ANKFN1: variants seen among roughly 807,000 people sequenced by gnomAD.
ANKFN1 encodes ankyrin repeat and fibronectin type-III domain-containing protein 1.
ANKFN1 carries 74 observed loss-of-function variants against 108.7 expected under a neutral mutation model. The observed-to-expected ratio is 0.68, with a 90% CI of 0.56 to 0.83. The LOEUF (loss-of-function observed/expected upper bound fraction) is 0.83. Ranked by LOEUF, ANKFN1 falls within the 40% of genes least tolerant of loss-of-function variation. The probability of loss-of-function intolerance (pLI) is 0.00; values close to 1 mark genes in which losing one functional copy is unlikely to be tolerated. For synonymous variants in ANKFN1, 547 were observed against 516.2 expected (o/e 1.06, Z -0.81); for missense variants, 1,505 against 1,382.3 (o/e 1.09, Z -1.41).
intron 3 of ANKFN1, among the ~76,000 whole-genome samples, chr17:56,243,767 A>T (rs565692313): frequency 2.2e-4 from 34 of 152,272 alleles, no homozygotes; most frequent in African/African-American, 8.2e-4. Context: ...TGATGTATAC[A>T]CGCACACATA....
intron 8 of ANKFN1, among the ~76,000 whole-genome samples, chr17:56,394,922 A>G (rs1486598766): frequency 6.6e-6 from 1 of 152,190 alleles, no homozygotes; most frequent in African/African-American, 2.4e-5. Context: ...TTTCTAAGAA[A>G]TAGGTGTTGT....
chr17:56,144,356 C>G (rs1405985966), intron 4 of ANKFN1, among the ~76,000 whole-genome samples: 6 of 152,030 alleles, frequency 3.9e-5, no homozygotes, highest in Admixed American at 6.6e-5. Context: ...TTACTTTTTG[C>G]CTGCAGGTGG....
intron 4 of ANKFN1, among the ~76,000 whole-genome samples, chr17:56,121,486 G>C (rs1906617430): frequency 6.6e-6 from 1 of 151,856 alleles, no homozygotes; most frequent in Non-Finnish European, 1.5e-5. Flanking sequence ...CATTATCTTT[G>C]GCTGTTTTGC....
chr17:56,148,000 A>G (rs1908367305), intron 4 of ANKFN1, among the ~76,000 whole-genome samples: 1 of 152,212 alleles, frequency 6.6e-6, no homozygotes, highest in African/African-American at 2.4e-5. Context: ...TAAAGGAAGA[A>G]CTGGTGTTAC....
chr17:56,139,346 A>G (rs747235243), intron 4 of ANKFN1, among the ~76,000 whole-genome samples: 1 of 152,192 alleles, frequency 6.6e-6, no homozygotes, highest in Non-Finnish European at 1.5e-5. Flanking sequence ...AGCACTTATT[A>G]ATTTCAACCA....
rs185286803 is a variant in ANKFN1 at position 56,342,672 on chromosome 17, G to T, written c.189-8094G>T. Reference sequence around the variant, plus strand: ...CGTGGTCCAAGAGATTGTTTGATATGATTTCAGTTCTGCATTTACTAAGGA... The same window carrying T: ...CGTGGTCCAAGAGATTGTTTGATATTATTTCAGTTCTGCATTTACTAAGGA... On this transcript the variant is annotated intron_variant, in intron 4 of 20. Transcript: ENST00000682825. Among the ~76,000 whole-genome samples the T allele has an allele frequency of 4.8e-4, 73 of 151,972 alleles. No homozygotes were observed. The East Asian group carries it at 0.01, about 21-fold the overall frequency.
chr17:56,255,858 C>A (rs566260740), intron 3 of ANKFN1, among the ~76,000 whole-genome samples: 2 of 152,092 alleles, frequency 1.3e-5, no homozygotes, highest in Non-Finnish European at 2.9e-5. Context: ...TGGAAAATTA[C>A]CATGGAGAAA....
At chr17:56,063,880 T>C (rs1021493726) in intron 4 of ANKFN1, among the ~76,000 whole-genome samples, 2 of 152,148 alleles carry the variant, frequency 1.3e-5, no homozygotes, top group African/African-American at 4.8e-5. Context: ...TGAGTTTGTT[T>C]AGTTTCGATC....
chr17:56,429,577 G>T (rs1208472885), intron 8 of ANKFN1, among the ~76,000 whole-genome samples: 1 of 152,198 alleles, frequency 6.6e-6, no homozygotes, highest in African/African-American at 2.4e-5. Flanking sequence ...CAGGCAGCAG[G>T]CTGGATTTGG....
At chr17:56,198,374 C>T (rs574358608) in intron 1 of ANKFN1, among the ~76,000 whole-genome samples, 12 of 152,294 alleles carry the variant, frequency 7.9e-5, no homozygotes, top group Non-Finnish European at 1.8e-4. Flanking sequence ...AGGGTTGGCG[C>T]TCCTGTGAGA....
At chr17:56,455,785 C>T (rs2049671974) in intron 11 of ANKFN1, among the ~76,000 whole-genome samples, 1 of 152,206 alleles carries the variant, frequency 6.6e-6, no homozygotes, top group Non-Finnish European at 1.5e-5. Context: ...GAATTATTTG[C>T]TTACCATTGT....
At chr17:56,242,588 T>C (rs1477613614) in intron 3 of ANKFN1, among the ~76,000 whole-genome samples, 2 of 152,112 alleles carry the variant, frequency 1.3e-5, no homozygotes, top group African/African-American at 2.4e-5. Flanking sequence ...TATTCAAAGA[T>C]TGTCTACAAT....
chr17:56,280,008 C>CTTTTTTTTTTTTTTT (rs3086033), intron 3 of ANKFN1, among the ~76,000 whole-genome samples: 6 of 134,856 alleles, frequency 4.4e-5, no homozygotes, highest in African/African-American at 1.8e-4. Flanking sequence ...CACATAATGT[C>CTTTTTTTTTTTTTTT]TTTTTTTTTT....
intron 3 of ANKFN1, among the ~76,000 whole-genome samples, chr17:56,318,621 A>G (rs757155094): frequency 1.3e-5 from 2 of 152,194 alleles, no homozygotes; most frequent in African/African-American, 4.8e-5. Flanking sequence ...TATAAATACT[A>G]CAAGGAGAGA....
Position 56,405,987 on chromosome 17 carries a change from C to A in ANKFN1, c.910+31273C>A, listed in dbSNP as rs187192786. ...CTTATCTCTTTATAATTGTTTATAC[C>A]TTTTGGTTTTTTAACCATGTAGATC... On this transcript the variant is annotated intron_variant, in intron 8 of 20. Coordinates refer to ENST00000682825, the MANE Select transcript of ANKFN1 (RefSeq NM_001370326.1). Among the ~76,000 whole-genome samples the A allele has an allele frequency of 2.3e-3, 349 of 152,076 alleles. 2 individuals carry two copies. Among genetic ancestry groups the A allele is most frequent in the Non-Finnish European group, 3.8e-3 (255 of 67,970 alleles).
intron 8 of ANKFN1, among the ~76,000 whole-genome samples, chr17:56,431,465 C>T (rs1185150923): frequency 1.3e-5 from 2 of 152,126 alleles, no homozygotes. Flanking sequence ...AAAGGTATCC[C>T]TATTTTGTGG....
chr17:56,138,275 A>G (rs945551690), intron 4 of ANKFN1, among the ~76,000 whole-genome samples: 1 of 152,212 alleles, frequency 6.6e-6, no homozygotes, highest in Non-Finnish European at 1.5e-5. Context: ...TTAGATCTCA[A>G]AAAAAGTCCA....
At chr17:56,138,502 T>C (rs1003288189) in intron 4 of ANKFN1, among the ~76,000 whole-genome samples, 17 of 147,200 alleles carry the variant, frequency 1.2e-4, no homozygotes, top group Non-Finnish European at 2.2e-4. Flanking sequence ...TCAACATTTT[T>C]TTTTCTTTTC....
chr17:56,046,788 C>G (rs1056596984), intron 4 of ANKFN1, among the ~76,000 whole-genome samples: 1 of 152,120 alleles, frequency 6.6e-6, no homozygotes, highest in Non-Finnish European at 1.5e-5. Flanking sequence ...GCTGGAGTTG[C>G]CTGTAATAAA....
Sources: allele counts gnomAD v4.1 joint callset (sites outside exome capture counted in the v4.1 genomes callset), GRCh38; gene constraint gnomAD v4.1.1; transcripts MANE v1.5; gene names NCBI Gene and HGNC (gene_info 2026-07-23, HGNC 2026-07-21).